The following ENO2 variants were observed in gnomAD, a reference collection of about 807,000 sequenced individuals.
The protein encoded by ENO2 is enolase 2, also known as gamma-enolase.
ENO2 carries 19 observed loss-of-function variants against 48.7 expected under a neutral mutation model. The observed-to-expected ratio is 0.39, with a 90% CI of 0.27 to 0.57. ENO2 has a LOEUF of 0.57. ENO2 is among the 20% of genes least tolerant of loss of function. The probability of loss-of-function intolerance (pLI) is 0.58; values close to 1 mark genes in which losing one functional copy is unlikely to be tolerated. For missense variants in ENO2, 416 were observed against 555.0 expected (o/e 0.75, Z 2.52); for synonymous variants, 198 against 213.4 (o/e 0.93, Z 0.63).
intron 1 of ENO2, 113 bp from the exon 2 acceptor site, chr12:6,915,708 C>CCCCCCCCCA: frequency 2.6e-6 from 1 of 378,548 alleles, no homozygotes; most frequent in South Asian, 2.1e-5. Context: ...ACCCCCCACC[C>CCCCCCCCCA]ACTGCAGTAA....
intron 7 of ENO2, among the ~76,000 whole-genome samples, 160 bp downstream of exon 7, chr12:6,918,322 C>T (rs1945310128): frequency 6.6e-6 from 1 of 151,912 alleles, no homozygotes; most frequent in African/African-American, 2.4e-5. Context: ...AGAGAGCCTG[C>T]CAAATTCACA....
chr12:6,921,677 CAG>C lies in ENO2; in HGVS notation c.963_964del (p.Val322AspfsTer7). 1 of 1,614,122 alleles carries C rather than the reference CAG, an allele frequency of 6.2e-7. No individual in the cohort carries two copies. The highest frequency in any genetic ancestry group is 8.5e-7 in the Non-Finnish European group (1 of 1,180,026). On this transcript the variant is annotated frameshift_variant, in exon 9 of 12. Coordinates refer to ENST00000229277, the MANE Select transcript of ENO2 (RefSeq NM_001975.3). LOFTEE classifies it high-confidence loss of function. ...ATCCAGATTGTGGGTGATGACCTGA[CAG>C]TGACCAACCCAAAACGTATTGAGCG...
Position 6,916,568 on chromosome 12 carries a change from T to A in ENO2, c.181+56T>A. The stretch of plus-strand genomic sequence containing the variant: ...CCCACCTCAGCCTTATGCCCCTACC[T>A]CACACCAGTCCCCAGTCCTCCTCTA... On this transcript the variant is annotated intron_variant, in intron 3 of 11. Coordinates refer to ENST00000229277, the MANE Select transcript of ENO2 (RefSeq NM_001975.3). The surrounding 1 kb of genome is among the most constrained non-coding windows in gnomAD (Gnocchi z 4.5). The A allele has an allele frequency of 6.2e-7, 1 of 1,611,542 alleles. No individual in the cohort carries two copies.
chr12:6,917,646 C>T lies in ENO2; in HGVS notation c.376C>T (p.Arg126Trp), dbSNP rs367661227. The T allele has an allele frequency of 1.6e-5, 26 of 1,591,366 alleles. No individual in the cohort carries two copies. Among genetic ancestry groups the T allele is most frequent in the Admixed American group, 3.4e-5 (2 of 59,140 alleles). ...CGTGTGTAAGGCAGGGGCAGCTGAG[C>T]GGGAACTGCCCCTGTATCGCCACAT... ...LAVCKAGAAE[R>W]ELPLYRHIAQ... is the part of the protein sequence containing the mutation. The change falls in exon 6 of 12, where the codon CGG becomes TGG. Residue 126 changes from arginine (R) to tryptophan (W), a missense_variant. Coordinates refer to ENST00000229277, the MANE Select transcript of ENO2 (RefSeq NM_001975.3).
chr12:6,916,474 A>T lies in ENO2; in HGVS notation c.143A>T (p.Glu48Val). The change falls in exon 3 of 12, where the codon GAG becomes GTG. Residue 48 changes from glutamate to valine, a missense_variant. Glu to Val is a moderately radical substitution (Grantham distance 121, BLOSUM62 -2). Transcript: ENST00000229277. The surrounding 1 kb of genome is among the most constrained non-coding windows in gnomAD (Gnocchi z 4.5). ...GASTGIYEALELRDGDKQRYL... is the reference protein window; with the variant it reads ...GASTGIYEALVLRDGDKQRYL... ...TCTACGGGCATCTATGAGGCCCTGG[A>T]GCTGAGGGATGGAGACAAACAGCGT... The T allele has an allele frequency of 6.2e-7, 1 of 1,614,036 alleles. No individual in the cohort carries two copies.
At chr12:6,917,747 G>T in intron 6 of ENO2, 33 bp downstream of exon 6, 2 of 1,593,808 alleles carry the variant, frequency 1.3e-6, no homozygotes, top group South Asian at 2.2e-5. Flanking sequence ...GCTCTCCCAG[G>T]GGCGGGTGGG....
rs970022257 is a variant in ENO2, at chr12:6,916,230, T to G, written c.86-187T>G. On this transcript the variant is annotated intron_variant, in intron 2 of 11. Transcript: ENST00000229277. This position sits in a 1 kb window ranked among gnomAD's most constrained non-coding sequence, Gnocchi z 4.5. ...TTGTGCATGTGGGGCCTCAGATGGG[T>G]GGATGAGGAGGCCACTTCTTGTGCA... Among the ~76,000 whole-genome samples the G allele has an allele frequency of 8.1e-6, 1 of 123,780 alleles. No homozygotes were observed. The highest frequency in any genetic ancestry group is 3.2e-5 in the African/African-American group (1 of 31,438). The allele number at this position is 123,780 out of a possible 152,430, so 81.2% of individuals were successfully genotyped here.
rs1794386060 is a variant in ENO2 at position 6,922,697 on chromosome 12, C to T, written c.1236-34C>T. On this transcript the variant is annotated intron_variant, in intron 11 of 11. Transcript: ENST00000229277. This position sits in a 1 kb window ranked among gnomAD's most constrained non-coding sequence, Gnocchi z 5.3. ...GAGAGAAGCAGGATCCTCCTGCATC[C>T]CTGACCACTTCCTTTGTGGTTCATC... 2 of 1,612,950 alleles carry T rather than the reference C, an allele frequency of 1.2e-6. No homozygotes were observed. Among genetic ancestry groups the T allele is most frequent in the Non-Finnish European group, 1.7e-6 (2 of 1,179,180 alleles).
chr12:6,917,593 C>T lies in ENO2; in HGVS notation c.323C>T (p.Ala108Val). 3 of 1,612,928 alleles carry T rather than the reference C, an allele frequency of 1.9e-6. No homozygotes were observed. The highest frequency in any genetic ancestry group is 2.5e-6 in the Non-Finnish European group (3 of 1,179,368). The change falls in exon 6 of 12, where the codon GCC (alanine) becomes GTC (valine). Residue 108 changes from alanine (A) to valine (V), a missense_variant. By Grantham distance (64) the Ala-to-Val change is moderately conservative (BLOSUM62 0). Coordinates refer to ENST00000229277, the MANE Select transcript of ENO2 (RefSeq NM_001975.3). The part of the protein sequence containing the change: ...DGTENKSKFG[A>V]NAILGVSLAV... ...TATAATCTCCTAGCCAAGTTTGGGG[C>T]CAATGCCATCCTGGGTGTGTCTCTG... is the stretch of plus-strand genomic sequence containing the variant.
intron 1 of ENO2, among the ~76,000 whole-genome samples, chr12:6,915,039 C>T (rs1437437032): frequency 6.6e-6 from 1 of 152,170 alleles, no homozygotes; most frequent in Non-Finnish European, 1.5e-5. Flanking sequence ...TCACCTCCCC[C>T]AGACTTCCCT....
At position 6,922,838 on chromosome 12, in the gene ENO2, ATCC is replaced by A. The variant is rs782171544; in HGVS notation, c.*43_*45del. 1 of 1,606,662 alleles carries A rather than the reference ATCC, an allele frequency of 6.2e-7. No individual in the cohort carries two copies. Among genetic ancestry groups the A allele is most frequent in the Non-Finnish European group, 8.5e-7 (1 of 1,173,580 alleles). ...CCTGGAGACGTGGAACCTCTGTCTC[ATCC>A]TCCTGGAACCTTGCTGTCCTGATCT... On this transcript the variant is annotated 3_prime_UTR_variant, in exon 12 of 12. Transcript: ENST00000229277. The surrounding 1 kb of genome is among the most constrained non-coding windows in gnomAD (Gnocchi z 5.3).
rs1473623706 is a variant in ENO2, at chr12:6,914,945, T to C, written c.-13+286T>C. Among the ~76,000 whole-genome samples the C allele has an allele frequency of 6.6e-6, 1 of 152,200 alleles. No individual in the cohort carries two copies. Among genetic ancestry groups the C allele is most frequent in the Non-Finnish European group, 1.5e-5 (1 of 68,026 alleles). On this transcript the variant is annotated intron_variant, in intron 1 of 11. Coordinates refer to ENST00000229277, the MANE Select transcript of ENO2 (RefSeq NM_001975.3). This position sits in a 1 kb window ranked among gnomAD's most constrained non-coding sequence, Gnocchi z 7.1. The stretch of plus-strand genomic sequence containing the variant: ...TCTACGGTTCTATTTGTTTCTAAGT[T>C]GGGAGCCTCTCCGGGCGGTGCATTT...
rs1345222226 is a variant in ENO2 at position 6,916,853 on chromosome 12, G to T, written c.240+124G>T. On this transcript the variant is annotated intron_variant, in intron 4 of 11. Transcript: ENST00000229277. This position sits in a 1 kb window ranked among gnomAD's most constrained non-coding sequence, Gnocchi z 4.5. ...AATCATGGTTACAAGGGGGAAGGGTGGGGAACAGCTTCCTTAATGCACCCT... is the reference window on the plus strand; with the variant it reads ...AATCATGGTTACAAGGGGGAAGGGTTGGGAACAGCTTCCTTAATGCACCCT... The T allele has an allele frequency of 1.4e-6, 2 of 1,436,574 alleles. No homozygotes were observed. Among genetic ancestry groups the T allele is most frequent in the East Asian group, 2.3e-5 (1 of 42,864 alleles). The allele number at this position is 1,436,574 out of a possible 1,614,324, so 89.0% of individuals were successfully genotyped here. A position where few individuals can be genotyped will look rare whatever the true frequency, so the allele number is the denominator to read the frequency against.
chr12:6,921,818 G>A (rs373180960), intron 9 of ENO2, 36 bp downstream of exon 9: 136 of 1,609,244 alleles, frequency 8.5e-5, no homozygotes, highest in South Asian at 5.0e-4. Context: ...TGTGGTCCTC[G>A]TTTCTATAAG....
At position 6,918,018 on chromosome 12, in the gene ENO2, G is replaced by A. The variant is rs782775283; in HGVS notation, c.523G>A (p.Ala175Thr). ...GGAGTTCATGATCCTCCCAGTGGGAGCTGAGAGCTTTCGGGATGCCATGCG... is the reference window on the plus strand; with the variant it reads ...GGAGTTCATGATCCTCCCAGTGGGAACTGAGAGCTTTCGGGATGCCATGCG... ...MQEFMILPVG[A>T]ESFRDAMRLG... Residue 175 changes from alanine (A) to threonine (T), a missense_variant, in exon 7 of 12, where the codon GCT becomes ACT. Coordinates refer to ENST00000229277, the MANE Select transcript of ENO2 (RefSeq NM_001975.3). 6.2e-7 allele frequency: 1 copy of A among 1,614,176 alleles called. No homozygotes were observed. Among genetic ancestry groups the A allele is most frequent in the South Asian group, 1.1e-5 (1 of 91,082 alleles).
chr12:6,919,903 G>C, intron 8 of ENO2, 140 bp downstream of exon 8: 1 of 833,674 alleles, frequency 1.2e-6, no homozygotes, highest in Non-Finnish European at 1.8e-6. Context: ...GAGGGTGCAG[G>C]AGCCACCTGC....
chr12:6,915,761 C>G, intron 1 of ENO2, 60 bp from the exon 2 acceptor site: 20 of 1,061,214 alleles, frequency 1.9e-5, no homozygotes, highest in Non-Finnish European at 2.7e-5. Flanking sequence ...GCCCATTGAT[C>G]TCAGGCTCCA....
Position 6,918,049 on chromosome 12 carries a change from G to C in ENO2, c.554G>C (p.Gly185Ala). 6.2e-7 allele frequency: 1 copy of C among 1,614,172 alleles called. No individual in the cohort carries two copies. The highest frequency in any genetic ancestry group is 2.2e-5 in the East Asian group (1 of 44,886). The change falls in exon 7 of 12, where the codon GGT becomes GCT. Residue 185 changes from glycine (G) to alanine (A), a missense_variant. Transcript: ENST00000229277. Reference sequence around the variant, plus strand: ...AGCTTTCGGGATGCCATGCGACTAGGTGCAGAGGTCTACCATACACTCAAG... The same window carrying C: ...AGCTTTCGGGATGCCATGCGACTAGCTGCAGAGGTCTACCATACACTCAAG... Reference protein sequence around the residue: ...AESFRDAMRLGAEVYHTLKGV... With the variant: ...AESFRDAMRLAAEVYHTLKGV...
intron 1 of ENO2, chr12:6,915,530 G>A: frequency 2.7e-6 from 1 of 364,086 alleles, no homozygotes; most frequent in Non-Finnish European, 5.2e-6. Flanking sequence ...AACCACTGTC[G>A]TGCCCCTCCC....
Sources: gnomAD v4.1 joint callset for allele counts (sites outside exome capture counted in the v4.1 genomes callset) on GRCh38, gnomAD v4.1.1 for gene constraint, Gnocchi (gnomAD v3.1) non-coding constraint, MANE v1.5 for transcripts, NCBI Gene and HGNC (gene_info 2026-07-23, HGNC 2026-07-21) for gene names.